Variants in HMCN1 observed in about 807,000 individuals in gnomAD.
HMCN1 encodes the protein hemicentin-1.
HMCN1 carries 321 observed loss-of-function variants against 625.9 expected under a neutral mutation model. The ratio of observed to expected loss-of-function variants is 0.51; its 90% CI spans 0.47 to 0.56. The LOEUF is 0.56. Among genes scored for constraint, HMCN1 ranks in the 20% least tolerant of loss-of-function variants. HMCN1 has a pLI of 0.00. For synonymous variants in HMCN1, 2,425 were observed against 2,417.6 expected, an observed-to-expected ratio of 1.00 and a Z score of -0.09; for missense variants, 6,588 against 6,887.3, an observed-to-expected ratio of 0.96 and a Z score of 1.54.
At chr1:186,016,357 T>C (rs2102137844) in intron 32 of HMCN1, 118 bp downstream of exon 32, 1 of 943,798 alleles carries the variant, frequency 1.1e-6, no homozygotes, top group East Asian at 2.6e-5. Context: ...TAGTCCTCTG[T>C]GCAACTGTGG....
intron 11 of HMCN1, among the ~76,000 whole-genome samples, chr1:185,937,098 T>C (rs953298438): frequency 1.3e-5 from 2 of 152,184 alleles, no homozygotes; most frequent in Admixed American, 6.5e-5. Context: ...TTAGAAGAAA[T>C]GGATGCTTTG....
intron 4 of HMCN1, among the ~76,000 whole-genome samples, chr1:185,885,268 C>A (rs757534590): frequency 3.3e-5 from 5 of 151,768 alleles, no homozygotes; most frequent in Non-Finnish European, 5.9e-5. Flanking sequence ...GGAAAAATAT[C>A]TCCACAAACT....
At chr1:186,116,916 T>C (rs1290515160) in intron 75 of HMCN1, 78 bp from the exon 76 acceptor site, 4 of 1,505,906 alleles carry the variant, frequency 2.7e-6, no homozygotes, top group Non-Finnish European at 3.7e-6. Flanking sequence ...ATTTACAACA[T>C]GGTACCATGT....
chr1:186,039,661 GT>G, intron 38 of HMCN1, 66 bp from the exon 39 acceptor site: 1 of 1,513,504 alleles, frequency 6.6e-7, no homozygotes, highest in Non-Finnish European at 9.2e-7. Context: ...ATTAGATGTA[GT>G]TTTCATCATT....
intron 11 of HMCN1, among the ~76,000 whole-genome samples, chr1:185,951,893 G>A (rs1257914038): frequency 2.7e-5 from 4 of 150,058 alleles, no homozygotes; most frequent in African/African-American, 7.4e-5. Flanking sequence ...ACTTTTTTCT[G>A]TTATTGTACA....
At chr1:185,846,746 T>C (rs1034137303) in intron 2 of HMCN1, among the ~76,000 whole-genome samples, 5 of 152,206 alleles carry the variant, frequency 3.3e-5, no homozygotes, top group African/African-American at 9.6e-5. Flanking sequence ...TCATTCATTT[T>C]GGCGATCGGT....
Position 186,048,784 on chromosome 1 carries a change from T to C in HMCN1, c.6522T>C (p.Cys2174=). The stretch of plus-strand genomic sequence containing the variant: ...TTCAAGACACTGGTCGTTACACTTG[T>C]GAAGCAACAAATGTTGCTGGAAAAA... The part of the protein sequence containing the change: ...AQVQDTGRYT[C]EATNVAGKTE... Residue 2174 remains cysteine, a synonymous_variant, in exon 42 of 107, where the codon TGT becomes TGC. Transcript: ENST00000271588. 1 of 1,612,056 alleles carries C rather than the reference T, an allele frequency of 6.2e-7. No homozygotes were observed. Among genetic ancestry groups the C allele is most frequent in the Non-Finnish European group, 8.5e-7 (1 of 1,178,618 alleles).
chr1:185,747,011 A>T (rs1404730999), intron 1 of HMCN1, among the ~76,000 whole-genome samples: 2 of 152,190 alleles, frequency 1.3e-5, no homozygotes, highest in Non-Finnish European at 2.9e-5. Flanking sequence ...TTTACAAAGA[A>T]GGTCACATTT....
chr1:186,109,579 G>C (rs1383004529), intron 71 of HMCN1, among the ~76,000 whole-genome samples: 1 of 152,218 alleles, frequency 6.6e-6, no homozygotes, highest in African/African-American at 2.4e-5. Flanking sequence ...TGTAGAAACA[G>C]AGATGAGAAG....
intron 54 of HMCN1, among the ~76,000 whole-genome samples, 162 bp downstream of exon 54, chr1:186,076,784 G>A (rs200036056): frequency 6.6e-6 from 1 of 152,194 alleles, no homozygotes; most frequent in East Asian, 1.9e-4. Context: ...ATCTAGAAGA[G>A]TCTTGCTTGA....
chr1:186,174,066 G>A (rs1222274318), intron 102 of HMCN1, among the ~76,000 whole-genome samples: 1 of 152,184 alleles, frequency 6.6e-6, no homozygotes, highest in Non-Finnish European at 1.5e-5. Context: ...ATCACAAATA[G>A]GGGAGTAAGG....
chr1:185,852,031 ATAGAGT>A (rs1222254385), intron 2 of HMCN1, among the ~76,000 whole-genome samples: 5 of 152,044 alleles, frequency 3.3e-5, no homozygotes, highest in African/African-American at 1.2e-4. Context: ...TAGCAACATG[ATAGAGT>A]TATGAAGATG....
chr1:186,163,037 CCTTGAGCTGTGGTGGG>C (rs1490988810), intron 97 of HMCN1, among the ~76,000 whole-genome samples: 2 of 152,230 alleles, frequency 1.3e-5, no homozygotes, highest in Non-Finnish European at 2.9e-5. Context: ...AGGCAGGCGT[CCTTGAGCTGTGGTGGG>C]CTCCACCCAG....
chr1:185,887,605 A>G (rs935109013), intron 4 of HMCN1, among the ~76,000 whole-genome samples: 9 of 149,512 alleles, frequency 6.0e-5, no homozygotes, highest in African/African-American at 2.3e-4. Context: ...ATGATTTCCA[A>G]TTTCATCCAT....
chr1:185,738,480 T>C (rs1013242276), intron 1 of HMCN1, among the ~76,000 whole-genome samples: 5 of 152,250 alleles, frequency 3.3e-5, no homozygotes, highest in African/African-American at 1.2e-4. Context: ...TGTTGTAGCA[T>C]GTATTAGTAC....
At chr1:185,865,582 T>TACACACACAC (rs56891910) in intron 3 of HMCN1, among the ~76,000 whole-genome samples, 159 bp from the exon 4 acceptor site, 36 of 135,272 alleles carry the variant, frequency 2.7e-4, no homozygotes, top group African/African-American at 6.4e-4. Flanking sequence ...TATATAAGCA[T>TACACACACAC]ACACACACAC....
At chr1:185,753,001 A>C (rs1331304608) in intron 1 of HMCN1, among the ~76,000 whole-genome samples, 1 of 152,142 alleles carries the variant, frequency 6.6e-6, no homozygotes, top group Admixed American at 6.5e-5. Flanking sequence ...GGTTGTTTTT[A>C]TCCCAATAAT....
At position 186,015,318 on chromosome 1, in the gene HMCN1, T is replaced by A; in HGVS notation, c.4790T>A (p.Ile1597Asn). Residue 1597 changes from isoleucine to asparagine, a missense_variant, in exon 31 of 107, where the codon ATT becomes AAT. Ile to Asn is a moderately radical substitution (Grantham distance 149). Coordinates refer to ENST00000271588, the MANE Select transcript of HMCN1 (RefSeq NM_031935.3). ...PIMSSSQALY[I>N]DKGQYLHIPR... Reference sequence around the variant, plus strand: ...ATGTCCAGCTCACAAGCACTTTATATTGATAAAGGACAATATCTTCATATT... The same window carrying A: ...ATGTCCAGCTCACAAGCACTTTATAATGATAAAGGACAATATCTTCATATT... 1 of 1,613,792 alleles carries A rather than the reference T, an allele frequency of 6.2e-7. No homozygotes were observed. The highest frequency in any genetic ancestry group is 1.1e-5 in the South Asian group (1 of 91,082).
intron 12 of HMCN1, 29 bp from the exon 13 acceptor site, chr1:185,963,739 T>A: frequency 6.6e-7 from 1 of 1,510,312 alleles, no homozygotes; most frequent in Non-Finnish European, 9.2e-7. Context: ...CATTTTCAAT[T>A]TTATATTCTT....
Sources: allele counts gnomAD v4.1 joint callset (sites outside exome capture counted in the v4.1 genomes callset), GRCh38; gene constraint gnomAD v4.1.1; transcripts MANE v1.5; gene names NCBI Gene and HGNC (gene_info 2026-07-23, HGNC 2026-07-21).